OR1F1: variants seen among roughly 807,000 people sequenced by gnomAD.
OR1F1 encodes the protein olfactory receptor 1F1.
For missense variants in OR1F1, 493 were observed against 376.3 expected (o/e 1.31, Z -2.57); for synonymous variants, 184 against 156.7 (o/e 1.17, Z -1.30).
exon 1 of OR1F1, chr16:3,204,462 C>T (rs1958176373): frequency 1.2e-6 from 2 of 1,614,108 alleles, no homozygotes; most frequent in Non-Finnish European, 1.7e-6. Flanking sequence ...TGGACATCTG[C>T]TTCTCCTTCA....
chr16:3,204,812 G>T, exon 1 of OR1F1: 4 of 1,614,098 alleles, frequency 2.5e-6, no homozygotes, highest in Non-Finnish European at 3.4e-6. Context: ...AAACTCTCCT[G>T]CTCAGACACA....
chr16:3,204,252 C>A (rs200138081), exon 1 of OR1F1: 1 of 1,593,822 alleles, frequency 6.3e-7, no homozygotes, highest in Non-Finnish European at 8.6e-7. Flanking sequence ...GGCCCATGAG[C>A]GGGACAAACC....
the OR1F1 span, among the ~76,000 whole-genome samples, chr16:3,196,328 C>A: frequency 1.3e-5 from 2 of 152,136 alleles, no homozygotes; most frequent in Non-Finnish European, 2.9e-5. Context: ...AGGTTAGTAA[C>A]GTTTAGCAAG....
At chr16:3,204,382 A>G (rs760341370) in exon 1 of OR1F1, 1 of 1,613,856 alleles carries the variant, frequency 6.2e-7, no homozygotes, top group Non-Finnish European at 8.5e-7. Flanking sequence ...CCTGCTCATC[A>G]TCCTGTCCGT....
At chr16:3,203,962 C>T (rs142131112), upstream of OR1F1, among the ~76,000 whole-genome samples, 208 of 152,228 alleles carry the variant, frequency 1.4e-3, no homozygotes, top group African/African-American at 4.7e-3. Context: ...CTGTGGGGAA[C>T]ACAAACTGAC....
chr16:3,204,453 G>T (rs376104596), exon 1 of OR1F1: 1 of 1,614,076 alleles, frequency 6.2e-7, no homozygotes, highest in Middle Eastern at 1.6e-4. Flanking sequence ...TGTCTTTTGT[G>T]GACATCTGCT....
chr16:3,199,292 G>C (rs573147520), upstream of OR1F1, among the ~76,000 whole-genome samples: 3 of 151,756 alleles, frequency 2.0e-5, no homozygotes, highest in East Asian at 5.8e-4. Flanking sequence ...AACAGAGGGA[G>C]ACCCTACCTG....
At chr16:3,201,247 C>T (rs1958131749), upstream of OR1F1, among the ~76,000 whole-genome samples, 1 of 152,126 alleles carries the variant, frequency 6.6e-6, no homozygotes, top group Non-Finnish European at 1.5e-5. Flanking sequence ...GTGTTATTTT[C>T]ACATTTTGGC....
the OR1F1 span, among the ~76,000 whole-genome samples, chr16:3,197,366 C>T: frequency 2.0e-5 from 3 of 152,130 alleles, no homozygotes; most frequent in South Asian, 6.2e-4. Context: ...TGTTTTATGT[C>T]ACAAGTAATC....
chr16:3,191,976 G>T, the OR1F1 span, among the ~76,000 whole-genome samples: 6 of 152,148 alleles, frequency 3.9e-5, no homozygotes, highest in South Asian at 6.2e-4. Context: ...AAAAGTAAAG[G>T]GCCTGCTGCT....
At chr16:3,193,896 C>G in the OR1F1 span, among the ~76,000 whole-genome samples, 9 of 152,144 alleles carry the variant, frequency 5.9e-5, no homozygotes, top group Non-Finnish European at 1.0e-4. Context: ...TTTTAATATT[C>G]TCAGTAGGGC....
At chr16:3,203,134 T>C (rs372045874), upstream of OR1F1, among the ~76,000 whole-genome samples, 28 of 152,334 alleles carry the variant, frequency 1.8e-4, no homozygotes, top group African/African-American at 6.7e-4. Flanking sequence ...GCAGGAATTA[T>C]GTATGACAAA....
chr16:3,197,664 A>G, the OR1F1 span, among the ~76,000 whole-genome samples: 1 of 334 alleles, frequency 3.0e-3, no homozygotes, highest in Middle Eastern at 0.5. Context: ...TACAAGCTTA[A>G]ATGGGCTGGG....
exon 1 of OR1F1, chr16:3,204,899 A>G: frequency 6.2e-7 from 1 of 1,614,074 alleles, no homozygotes; most frequent in Non-Finnish European, 8.5e-7. Flanking sequence ...CTGGCTTCTT[A>G]TATGCACATC....
chr16:3,190,698 C>T, the OR1F1 span, among the ~76,000 whole-genome samples: 1 of 141,028 alleles, frequency 7.1e-6, no homozygotes, highest in Non-Finnish European at 1.5e-5. Flanking sequence ...TTGCAGTGAG[C>T]TGAAATGGCG....
chr16:3,191,599 G>C, the OR1F1 span, among the ~76,000 whole-genome samples: 319 of 140,654 alleles, frequency 2.3e-3, 1 homozygote, highest in African/African-American at 8.1e-3. Context: ...TGCTACCTTG[G>C]AGTTCTGGAA....
upstream of OR1F1, among the ~76,000 whole-genome samples, chr16:3,203,837 GA>G (rs376056222): frequency 1.0e-3 from 155 of 152,240 alleles, no homozygotes; most frequent in African/African-American, 3.6e-3. Flanking sequence ...GCCTCAGAGG[GA>G]CCCTCCTTCC....
upstream of OR1F1, among the ~76,000 whole-genome samples, chr16:3,202,539 T>C (rs1958145912): frequency 6.6e-6 from 1 of 152,120 alleles, no homozygotes; most frequent in Admixed American, 6.5e-5. Context: ...ATGGGTTGTT[T>C]GTTGTTCTTG....
At chr16:3,190,135 G>C in the OR1F1 span, among the ~76,000 whole-genome samples, 2,287 of 152,258 alleles carry the variant, frequency 0.015, 49 homozygotes, top group African/African-American at 0.051. Flanking sequence ...GAGTGAGCCA[G>C]GCACTCGAGC....
Sources: allele counts gnomAD v4.1 joint callset (sites outside exome capture counted in the v4.1 genomes callset), GRCh38; gene constraint gnomAD v4.1.1; transcripts MANE v1.5; gene names NCBI Gene and HGNC (gene_info 2026-07-23, HGNC 2026-07-21).